The following SLFN12L variants were observed in gnomAD, a reference collection of about 807,000 sequenced individuals.
The protein encoded by SLFN12L is schlafen family member 12 like.
A neutral mutation model predicts 34.8 loss-of-function variants in SLFN12L; 34 were observed. The ratio of observed to expected loss-of-function variants is 0.98; its 90% confidence interval spans 0.74 to 1.30. SLFN12L has a LOEUF of 1.30. Among genes scored for constraint, SLFN12L ranks in the 50% most tolerant of loss-of-function variants. The probability of loss-of-function intolerance (pLI) is 0.00; values close to 1 mark genes in which losing one functional copy is unlikely to be tolerated. For synonymous variants in SLFN12L, 259 were observed against 247.5 expected, an observed-to-expected ratio of 1.05 and a Z score of -0.44; for missense variants, 703 against 696.2, an observed-to-expected ratio of 1.01 and a Z score of -0.11.
intron 2 of SLFN12L, among the ~76,000 whole-genome samples, chr17:35,504,274 GC>G (rs1567672924): frequency 6.6e-6 from 1 of 152,214 alleles, no homozygotes; most frequent in African/African-American, 2.4e-5. Context: ...CAGGAGTCTT[GC>G]CCCCCAGTAG....
intron 1 of SLFN12L, among the ~76,000 whole-genome samples, chr17:35,523,428 G>C (rs184698981): frequency 6.6e-6 from 1 of 152,170 alleles, no homozygotes; most frequent in Non-Finnish European, 1.5e-5. Context: ...CAATATTTGC[G>C]GAGAAGAGGA....
chr17:35,493,980 G>A lies in SLFN12L; in HGVS notation c.87-13785C>T, dbSNP rs546066397. 9.0e-4 allele frequency among the ~76,000 whole-genome samples: 137 copies of A among 151,830 alleles called. No individual in the cohort carries two copies. The Middle Eastern group carries it at 0.01, about 11-fold the overall frequency. On this transcript the variant is annotated intron_variant, in intron 2 of 4. Transcript: ENST00000628453. Reference sequence around the variant, plus strand: ...TGCAGTATTCAAAGCTTAAGCTTTCGGGAAAAAGAAAATAAGAATTCAGTG... The same window carrying A: ...TGCAGTATTCAAAGCTTAAGCTTTCAGGAAAAAGAAAATAAGAATTCAGTG...
intron 2 of SLFN12L, among the ~76,000 whole-genome samples, chr17:35,517,045 T>TGC (rs1194027520): frequency 1.4e-4 from 22 of 152,300 alleles, no homozygotes; most frequent in Admixed American, 1.2e-3. Flanking sequence ...GGCTAATGTG[T>TGC]GCCATGGGCA....
chr17:35,525,289 G>A (rs907579936), intron 1 of SLFN12L, among the ~76,000 whole-genome samples: 1 of 152,114 alleles, frequency 6.6e-6, no homozygotes, highest in Non-Finnish European at 1.5e-5. Context: ...CACTCTTCAG[G>A]ATATTATCCA....
At chr17:35,531,256 T>C in intron 1 of SLFN12L, among the ~76,000 whole-genome samples, 1 of 152,220 alleles carries the variant, frequency 6.6e-6, no homozygotes, top group Non-Finnish European at 1.5e-5. Flanking sequence ...GCACTTTTAT[T>C]TTTTTCACTA....
At chr17:35,478,245 A>G in intron 3 of SLFN12L, 60 bp from the exon 4 acceptor site, 2 of 1,085,848 alleles carry the variant, frequency 1.8e-6, no homozygotes, top group Non-Finnish European at 2.7e-6. Flanking sequence ...GAGAGACTCA[A>G]GCTAACTAAT....
At position 35,528,446 on chromosome 17, in the gene SLFN12L, A is replaced by G. The variant is rs542821847; in HGVS notation, c.-605-5477T>C. The stretch of plus-strand genomic sequence containing the variant: ...ATCAAGCTACCCTACTTCAAACTAT[A>G]TTACAAGGCTACAATAACCAAAACA... On this transcript the variant is annotated intron_variant, in intron 1 of 4. Coordinates refer to ENST00000628453, the MANE Select transcript of SLFN12L (RefSeq NM_001363830.2). Among the ~76,000 whole-genome samples, 687 of 152,366 alleles carry G rather than the reference A, an allele frequency of 4.5e-3. 4 individuals are homozygous for G. The highest frequency in any genetic ancestry group is 0.015 in the African/African-American group (635 of 41,588).
intron 2 of SLFN12L, chr17:35,499,197 C>A: frequency 1.1e-6 from 1 of 946,420 alleles, no homozygotes; most frequent in South Asian, 1.4e-5. Context: ...ACCGTTTTTT[C>A]TTCCCTGCAC....
intron 2 of SLFN12L, chr17:35,491,183 TC>T (rs1280917601): frequency 1.1e-6 from 1 of 913,772 alleles, no homozygotes; most frequent in African/African-American, 1.7e-5. Flanking sequence ...ATCAGCGATC[TC>T]TTTGATGCCT....
At chr17:35,482,834 G>A (rs60191377) in intron 2 of SLFN12L, among the ~76,000 whole-genome samples, 3,922 of 152,260 alleles carry the variant, frequency 0.026, 116 homozygotes, top group East Asian at 0.14. Flanking sequence ...TGGGGACCGG[G>A]CTGCCAGTGC....
intron 1 of SLFN12L, among the ~76,000 whole-genome samples, chr17:35,535,488 CT>C (rs772324342): frequency 4.4e-3 from 615 of 138,834 alleles, no homozygotes; most frequent in Non-Finnish European, 4.2e-3. Context: ...CGCACCCAGC[CT>C]TTTTTTTTTT....
At chr17:35,488,674 T>A (rs182477974) in intron 2 of SLFN12L, among the ~76,000 whole-genome samples, 38 of 152,276 alleles carry the variant, frequency 2.5e-4, no homozygotes, top group Middle Eastern at 3.4e-3. Context: ...CCTAGCTCCA[T>A]CCCACTCCGG....
At chr17:35,511,880 G>A (rs935879070) in intron 2 of SLFN12L, among the ~76,000 whole-genome samples, 1 of 152,204 alleles carries the variant, frequency 6.6e-6, no homozygotes, top group African/African-American at 2.4e-5. Context: ...CTTGCCTAAA[G>A]ATACATTGTC....
chr17:35,508,588 TCTGC>T (rs1915541813), intron 2 of SLFN12L, among the ~76,000 whole-genome samples: 1 of 152,190 alleles, frequency 6.6e-6, no homozygotes, highest in Admixed American at 6.5e-5. Flanking sequence ...GACCTCGTGA[TCTGC>T]CCACCTTGGC....
chr17:35,469,598 T>G lies in SLFN12L; in HGVS notation c.*5325A>C, dbSNP rs1597822701. Among the ~76,000 whole-genome samples the G allele has an allele frequency of 6.6e-6, 1 of 152,150 alleles. No homozygotes were observed. The highest frequency in any genetic ancestry group is 1.9e-4 in the East Asian group (1 of 5,184). ...TAAGTCCACTATTACCACCCCAGGT[T>G]TCTTACGATGATGCCAAATAGGCCC... On this transcript the variant is annotated 3_prime_UTR_variant, in exon 5 of 5. Coordinates refer to ENST00000628453, the MANE Select transcript of SLFN12L (RefSeq NM_001363830.2).
chr17:35,498,822 A>G (rs569216706), intron 2 of SLFN12L: 10 of 812,572 alleles, frequency 1.2e-5, no homozygotes, highest in Admixed American at 8.9e-5. Context: ...GCAGCCTGCC[A>G]AGACAACAGA....
rs542734179 is a variant in SLFN12L, at chr17:35,522,550, G to A, written c.-186C>T. On this transcript the variant is annotated 5_prime_UTR_variant, in exon 2 of 5. Coordinates refer to ENST00000628453, the MANE Select transcript of SLFN12L (RefSeq NM_001363830.2). Reference sequence around the variant, plus strand: ...AGCAAGACAATCACGAGGGACTGCAGCAGGGCTTCCAATGTGCTGGGTGCC... The same window carrying A: ...AGCAAGACAATCACGAGGGACTGCAACAGGGCTTCCAATGTGCTGGGTGCC... 1 of 1,610,824 alleles carries A rather than the reference G, an allele frequency of 6.2e-7. No homozygotes were observed. The highest frequency in any genetic ancestry group is 1.7e-5 in the Admixed American group (1 of 59,696).
Position 35,466,950 on chromosome 17 carries a change from T to C in SLFN12L, c.*7973A>G, listed in dbSNP as rs9972896. 0.019 allele frequency among the ~76,000 whole-genome samples: 2,942 copies of C among 152,320 alleles called. 90 individuals carry two copies. The highest frequency in any genetic ancestry group is 0.065 in the African/African-American group (2,717 of 41,560). ...ACCCTCCATACCTGGCTACCTGTTA[T>C]GCTTTCAGTCATGGAAACAGCACCC... On this transcript the variant is annotated 3_prime_UTR_variant, in exon 5 of 5. Transcript: ENST00000628453.
At chr17:35,499,212 C>T in intron 2 of SLFN12L, 1 of 918,930 alleles carries the variant, frequency 1.1e-6, no homozygotes, top group Non-Finnish European at 1.6e-6. Context: ...CTGCACCTGC[C>T]TTCCTAATTT....
Sources: allele counts gnomAD v4.1 joint callset (sites outside exome capture counted in the v4.1 genomes callset), GRCh38; gene constraint gnomAD v4.1.1; transcripts MANE v1.5; gene names NCBI Gene and HGNC (gene_info 2026-07-23, HGNC 2026-07-21).